FBXL7: variants seen among roughly 807,000 people sequenced by gnomAD.
The protein encoded by FBXL7 is F-box/LRR-repeat protein 7.
FBXL7 carries 12 observed loss-of-function variants against 38.3 expected under a neutral mutation model. The ratio of observed to expected loss-of-function variants is 0.31; its 90% CI spans 0.20 to 0.51. The LOEUF (loss-of-function observed/expected upper bound fraction) is 0.51, where lower values mean the gene tolerates loss of function less well. FBXL7 is among the 20% of genes least tolerant of loss of function. FBXL7 has a pLI of 0.98. For synonymous variants in FBXL7, 297 were observed against 300.9 expected (o/e 0.99, Z 0.13); for missense variants, 567 against 676.4 (o/e 0.84, Z 1.79).
intron 2 of FBXL7, among the ~76,000 whole-genome samples, chr5:15,896,929 T>A (rs1579583965): frequency 6.6e-6 from 1 of 151,954 alleles, no homozygotes; most frequent in African/African-American, 2.4e-5. Context: ...AGGCCAGGAG[T>A]TCGAGATCAG....
chr5:15,824,303 A>AG (rs1738249994), intron 2 of FBXL7, among the ~76,000 whole-genome samples: 1 of 151,626 alleles, frequency 6.6e-6, no homozygotes, highest in Admixed American at 6.6e-5. Flanking sequence ...CTCAAAAAAA[A>AG]AAAAAAAAGA....
intron 2 of FBXL7, among the ~76,000 whole-genome samples, chr5:15,729,569 A>G (rs112589078): frequency 2.6e-5 from 4 of 152,274 alleles, no homozygotes; most frequent in South Asian, 2.1e-4. Context: ...ACAAACTTCA[A>G]TTTGGAAAAA....
chr5:15,849,624 T>A (rs1739032482), intron 2 of FBXL7, among the ~76,000 whole-genome samples: 1 of 152,228 alleles, frequency 6.6e-6, no homozygotes, highest in Non-Finnish European at 1.5e-5. Context: ...TCCCCAGCCA[T>A]GTGGAACTGT....
chr5:15,919,010 C>T (rs781699676), intron 2 of FBXL7, among the ~76,000 whole-genome samples: 6 of 152,158 alleles, frequency 3.9e-5, no homozygotes, highest in African/African-American at 7.2e-5. Flanking sequence ...AGAAGAAAAA[C>T]GATCGCTCAG....
intron 2 of FBXL7, among the ~76,000 whole-genome samples, chr5:15,708,838 C>T (rs1743769700): frequency 6.6e-6 from 1 of 152,106 alleles, no homozygotes; most frequent in South Asian, 2.1e-4. Flanking sequence ...AAAAAGTGCT[C>T]AGTGCTTGGT....
At chr5:15,617,422 CATTTATTTATTT>C (rs3032718) in intron 2 of FBXL7, among the ~76,000 whole-genome samples, 22,425 of 142,728 alleles carry the variant, frequency 0.16, 1,883 homozygotes, top group Non-Finnish European at 0.18. Flanking sequence ...TGATTCTAGA[CATTTATTTATTT>C]ATTTATTTAT....
At chr5:15,761,750 G>C (rs1242816717) in intron 2 of FBXL7, among the ~76,000 whole-genome samples, 2 of 152,064 alleles carry the variant, frequency 1.3e-5, no homozygotes, top group African/African-American at 4.8e-5. Flanking sequence ...TTGCTATTTT[G>C]CCCAGGCTGG....
intron 2 of FBXL7, among the ~76,000 whole-genome samples, chr5:15,788,715 G>A (rs530176571): frequency 6.6e-6 from 1 of 151,430 alleles, no homozygotes; most frequent in South Asian, 2.1e-4. Context: ...CTTTGACGGA[G>A]TCTCGCTCTG....
intron 2 of FBXL7, among the ~76,000 whole-genome samples, chr5:15,703,152 C>G (rs1371390649): frequency 6.6e-6 from 1 of 152,204 alleles, no homozygotes; most frequent in Non-Finnish European, 1.5e-5. Flanking sequence ...AGGCCTGACA[C>G]TTTCTACAGT....
intron 2 of FBXL7, among the ~76,000 whole-genome samples, chr5:15,892,839 CG>C (rs528478576): frequency 1.3e-5 from 2 of 152,134 alleles, no homozygotes; most frequent in Non-Finnish European, 2.9e-5. Flanking sequence ...AGGCTTAGGC[CG>C]GGCGCGGTGG....
At chr5:15,848,892 T>G (rs888065337) in intron 2 of FBXL7, among the ~76,000 whole-genome samples, 1 of 152,232 alleles carries the variant, frequency 6.6e-6, no homozygotes, top group Admixed American at 6.5e-5. Context: ...AATTTTTGAC[T>G]GTTTAAAAGG....
intron 2 of FBXL7, among the ~76,000 whole-genome samples, chr5:15,885,548 G>T (rs989445373): frequency 2.0e-5 from 3 of 152,106 alleles, no homozygotes; most frequent in African/African-American, 7.2e-5. Context: ...TCTTTAATCA[G>T]GACAAAATGA....
chr5:15,737,660 A>G (rs1735790408), intron 2 of FBXL7, among the ~76,000 whole-genome samples: 1 of 152,188 alleles, frequency 6.6e-6, no homozygotes. Flanking sequence ...CCTGCGCTTC[A>G]TGGTAATCGT....
intron 2 of FBXL7, among the ~76,000 whole-genome samples, chr5:15,672,271 T>C (rs150104774): frequency 9.1e-4 from 138 of 152,322 alleles, no homozygotes; most frequent in Non-Finnish European, 1.4e-3. Context: ...TCCAGGAACA[T>C]TAGCAAGTAA....
chr5:15,630,965 T>A (rs1016304273), intron 2 of FBXL7, among the ~76,000 whole-genome samples: 4 of 152,172 alleles, frequency 2.6e-5, no homozygotes, highest in Non-Finnish European at 5.9e-5. Flanking sequence ...AATTAAAAAA[T>A]TATTTCCAGT....
At chr5:15,523,428 A>G (rs752486348) in intron 1 of FBXL7, among the ~76,000 whole-genome samples, 6 of 152,042 alleles carry the variant, frequency 3.9e-5, no homozygotes, top group Non-Finnish European at 7.4e-5. Flanking sequence ...GTGTGGTGGC[A>G]GACGCCTGTA....
At chr5:15,662,216 T>C (rs760515047) in intron 2 of FBXL7, among the ~76,000 whole-genome samples, 1 of 152,206 alleles carries the variant, frequency 6.6e-6, no homozygotes, top group Non-Finnish European at 1.5e-5. Flanking sequence ...TATCTCATTT[T>C]GGTTTTTGAT....
At chr5:15,839,090 CTT>C (rs750320882) in intron 2 of FBXL7, among the ~76,000 whole-genome samples, 3 of 144,462 alleles carry the variant, frequency 2.1e-5, no homozygotes, top group African/African-American at 2.5e-5. Context: ...GTTGGGTCAT[CTT>C]TTTTTTTTTT....
chr5:15,623,165 C>G (rs978078377), intron 2 of FBXL7, among the ~76,000 whole-genome samples: 1 of 152,198 alleles, frequency 6.6e-6, no homozygotes, highest in Non-Finnish European at 1.5e-5. Flanking sequence ...GCTGAAGCAG[C>G]CTGTTCAGAA....
Sources: allele counts gnomAD v4.1 joint callset (sites outside exome capture counted in the v4.1 genomes callset), GRCh38; gene constraint gnomAD v4.1.1; transcripts MANE v1.5; gene names NCBI Gene and HGNC (gene_info 2026-07-23, HGNC 2026-07-21).